UBE4B: variants seen among roughly 807,000 people sequenced by gnomAD.
UBE4B encodes ubiquitin conjugation factor E4 B.
In UBE4B, 27 loss-of-function variants were observed where a neutral mutation model predicts 148.1. The observed-to-expected ratio is 0.18, with a 90% confidence interval of 0.13 to 0.25. UBE4B has a LOEUF of 0.25. UBE4B is among the 10% of genes least tolerant of loss of function. The pLI is 1.00. For missense variants in UBE4B, 1,170 were observed against 1,662.4 expected, an observed-to-expected ratio of 0.70 and a Z score of 5.15; for synonymous variants, 596 against 619.3, an observed-to-expected ratio of 0.96 and a Z score of 0.56.
At chr1:10,076,247 C>CTTT (rs369214323) in intron 2 of UBE4B, among the ~76,000 whole-genome samples, 1 of 131,650 alleles carries the variant, frequency 7.6e-6, no homozygotes. Flanking sequence ...TTCTTTCTTT[C>CTTT]TTTTTTTTTT....
intron 25 of UBE4B, among the ~76,000 whole-genome samples, chr1:10,174,676 T>A (rs1203063009): frequency 7.0e-6 from 1 of 142,652 alleles, no homozygotes; most frequent in Non-Finnish European, 1.5e-5. Flanking sequence ...CACTCCAGCT[T>A]GGGCAACAAG....
chr1:10,035,925 A>G (rs938927516), intron 1 of UBE4B, among the ~76,000 whole-genome samples: 9 of 146,036 alleles, frequency 6.2e-5, no homozygotes, highest in African/African-American at 1.3e-4. Flanking sequence ...TTGTGTTTTT[A>G]GTAGAGACGG....
chr1:10,113,059 A>G (rs908632212), intron 7 of UBE4B, among the ~76,000 whole-genome samples: 1 of 152,140 alleles, frequency 6.6e-6, no homozygotes, highest in Non-Finnish European at 1.5e-5. Flanking sequence ...TTTATAATGA[A>G]AAGAGGTTTA....
At chr1:10,129,969 C>T (rs1645565732) in intron 12 of UBE4B, among the ~76,000 whole-genome samples, 1 of 150,468 alleles carries the variant, frequency 6.6e-6, no homozygotes, top group African/African-American at 2.4e-5. Flanking sequence ...TTTCCCTTGA[C>T]AAGTATTGTA....
chr1:10,169,588 G>A (rs1646308153), intron 24 of UBE4B, among the ~76,000 whole-genome samples: 2 of 152,236 alleles, frequency 1.3e-5, no homozygotes, highest in African/African-American at 4.8e-5. Context: ...GCCAGACACT[G>A]GCCTCCCTTC....
At chr1:10,085,956 A>AT (rs34580335) in intron 2 of UBE4B, among the ~76,000 whole-genome samples, 1 of 151,336 alleles carries the variant, frequency 6.6e-6, no homozygotes, top group Non-Finnish European at 1.5e-5. Flanking sequence ...CGCCCAGCTA[A>AT]TTTTTTTTAT....
At chr1:10,086,920 T>C (rs111893655) in intron 2 of UBE4B, among the ~76,000 whole-genome samples, 6,432 of 152,008 alleles carry the variant, frequency 0.042, 191 homozygotes, top group African/African-American at 0.081. Context: ...AAACTCCTGA[T>C]CTCGGCCTCC....
chr1:10,155,631 T>C lies in UBE4B; in HGVS notation c.2927-2725T>C, dbSNP rs960108266. On this transcript the variant is annotated intron_variant, in intron 21 of 27. Transcript: ENST00000343090. ...GATTAGGTCCTGGTCCCTGAGCAGA[T>C]GGGACCCTCAGATATAAATTAAAAG... Among the ~76,000 whole-genome samples the C allele has an allele frequency of 3.3e-5, 5 of 152,334 alleles. No homozygotes were observed. The South Asian group carries it at 1.0e-3, about 32-fold the overall frequency.
At chr1:10,166,865 C>T (rs1215580871) in intron 23 of UBE4B, among the ~76,000 whole-genome samples, 2 of 151,774 alleles carry the variant, frequency 1.3e-5, no homozygotes. Flanking sequence ...GCAGAGATTG[C>T]AGTGAGCCAA....
At chr1:10,143,308 A>G (rs1178322278) in intron 17 of UBE4B, among the ~76,000 whole-genome samples, 1 of 152,146 alleles carries the variant, frequency 6.6e-6, no homozygotes. Context: ...AGGCTGTGGC[A>G]GGAGAATCGC....
At chr1:10,123,773 T>G (rs1006387499) in intron 10 of UBE4B, among the ~76,000 whole-genome samples, 2 of 152,178 alleles carry the variant, frequency 1.3e-5, no homozygotes, top group African/African-American at 4.8e-5. Flanking sequence ...TGTTTTGTTT[T>G]GTTTTGTTTT....
intron 10 of UBE4B, among the ~76,000 whole-genome samples, chr1:10,124,848 A>G (rs1324199222): frequency 6.6e-6 from 1 of 152,198 alleles, no homozygotes; most frequent in African/African-American, 2.4e-5. Context: ...AGGTCAGGCC[A>G]GGCATGGTGG....
At chr1:10,177,426 G>C (rs977695105) in intron 25 of UBE4B, among the ~76,000 whole-genome samples, 1 of 152,120 alleles carries the variant, frequency 6.6e-6, no homozygotes, top group African/African-American at 2.4e-5. Flanking sequence ...GGAGGTGGAG[G>C]CTTCAGTGAG....
chr1:10,078,853 CAA>C (rs751290269), intron 2 of UBE4B, among the ~76,000 whole-genome samples: 31 of 152,116 alleles, frequency 2.0e-4, no homozygotes, highest in Non-Finnish European at 3.8e-4. Context: ...TTTTCTAAGA[CAA>C]AGTCAGGCTG....
At chr1:10,172,552 T>C (rs1646354070) in intron 25 of UBE4B, among the ~76,000 whole-genome samples, 1 of 152,194 alleles carries the variant, frequency 6.6e-6, no homozygotes, top group South Asian at 2.1e-4. Context: ...CAAAGAACCA[T>C]GCTTGTCTCT....
chr1:10,167,441 A>AATAATAAT (rs1646269524), intron 23 of UBE4B, among the ~76,000 whole-genome samples: 3 of 147,166 alleles, frequency 2.0e-5, no homozygotes, highest in African/African-American at 7.6e-5. Context: ...CCGTCTCAAA[A>AATAATAAT]AATAATAATA....
At chr1:10,152,237 C>A (rs1436955082) in intron 21 of UBE4B, among the ~76,000 whole-genome samples, 9 of 148,614 alleles carry the variant, frequency 6.1e-5, no homozygotes. Context: ...CCAGCCTGGG[C>A]AAGAGAACAA....
At chr1:10,155,318 A>C (rs151067992) in intron 21 of UBE4B, among the ~76,000 whole-genome samples, 145 of 152,290 alleles carry the variant, frequency 9.5e-4, no homozygotes, top group African/African-American at 3.2e-3. Context: ...CCACTTATTG[A>C]ATGCTTACTA....
Position 10,129,403 on chromosome 1 carries a change from G to A in UBE4B, c.1650G>A (p.Glu550=), listed in dbSNP as rs1478588354. ...GATCTTATTTCTAGGCACTAGGTGA[G>A]CTCTGTGAAACCAAGTTTGGGAAGA... ...YFKYPLMALG[E]LCETKFGKTH... is the part of the protein sequence containing the mutation. Residue 550 remains glutamate (E), a synonymous_variant, in exon 12 of 28, where the codon GAG becomes GAA. Coordinates refer to ENST00000343090, the MANE Select transcript of UBE4B (RefSeq NM_001105562.3). The A allele has an allele frequency of 1.2e-6, 2 of 1,612,050 alleles. No homozygotes were observed. The highest frequency in any genetic ancestry group is 1.7e-5 in the Admixed American group (1 of 59,980).
Sources: gnomAD v4.1 joint callset for allele counts (sites outside exome capture counted in the v4.1 genomes callset) on GRCh38, gnomAD v4.1.1 for gene constraint, MANE v1.5 for transcripts, NCBI Gene and HGNC (gene_info 2026-07-23, HGNC 2026-07-21) for gene names.